WWTR1: variants seen among roughly 807,000 people sequenced by gnomAD.
WWTR1 encodes the protein WW domain containing transcription regulator 1.
A neutral mutation model predicts 40.1 loss-of-function variants in WWTR1; 13 were observed. The observed-to-expected ratio is 0.32, with a 90% CI of 0.21 to 0.52. The LOEUF is 0.52. WWTR1 is among the 20% of genes least tolerant of loss of function. The pLI, the probability that WWTR1 is intolerant of heterozygous loss-of-function variation, is 0.97. For missense variants in WWTR1, 436 were observed against 523.1 expected, an observed-to-expected ratio of 0.83 and a Z score of 1.63; for synonymous variants, 230 against 210.1, an observed-to-expected ratio of 1.09 and a Z score of -0.82.
At chr3:149,703,488 G>A (rs935287924), upstream of WWTR1, among the ~76,000 whole-genome samples, 2 of 152,106 alleles carry the variant, frequency 1.3e-5, no homozygotes, top group African/African-American at 4.8e-5. Flanking sequence ...CTTTATCTTA[G>A]ATTTCTTAGA....
At chr3:149,626,102 C>T (rs1023491375) in intron 2 of WWTR1, among the ~76,000 whole-genome samples, 5 of 152,106 alleles carry the variant, frequency 3.3e-5, no homozygotes, top group African/African-American at 1.2e-4. Flanking sequence ...TTCCTGCAGG[C>T]GCCAGGAAAC....
upstream of WWTR1, chr3:149,658,238 C>T (rs1025855832): frequency 6.6e-6 from 1 of 152,436 alleles, no homozygotes; most frequent in African/African-American, 2.4e-5. Context: ...GTGCCCCCCA[C>T]CCACTCCTCC....
At chr3:149,686,261 C>T (rs79197524) in intron 1 of WWTR1, among the ~76,000 whole-genome samples, 3,230 of 152,270 alleles carry the variant, frequency 0.021, 64 homozygotes, top group South Asian at 0.092. Context: ...TAGATCCATT[C>T]ATGGTCACAA....
At chr3:149,618,310 G>A (rs1048146640) in intron 2 of WWTR1, among the ~76,000 whole-genome samples, 5 of 152,176 alleles carry the variant, frequency 3.3e-5, no homozygotes, top group Admixed American at 6.5e-5. Context: ...AGATACATCC[G>A]GGCATGCTGG....
At chr3:149,667,759 T>C (rs1713895056) in intron 2 of WWTR1, among the ~76,000 whole-genome samples, 1 of 152,182 alleles carries the variant, frequency 6.6e-6, no homozygotes, top group Non-Finnish European at 1.5e-5. Flanking sequence ...CTGCACGTTG[T>C]AGTTCTACTG....
intron 3 of WWTR1, among the ~76,000 whole-genome samples, chr3:149,560,956 A>C (rs1560060781): frequency 2.0e-5 from 3 of 148,288 alleles, no homozygotes; most frequent in Middle Eastern, 3.5e-3. Context: ...AGAAAGTAAC[A>C]CCCCCCCCCG....
intron 4 of WWTR1, among the ~76,000 whole-genome samples, chr3:149,723,127 T>C (rs1174368739): frequency 6.6e-6 from 1 of 151,918 alleles, no homozygotes; most frequent in South Asian, 2.1e-4. Context: ...AATCTAATAA[T>C]GTGGTAACTC....
intron 2 of WWTR1, among the ~76,000 whole-genome samples, chr3:149,582,662 C>T (rs955958909): frequency 4.6e-5 from 7 of 151,806 alleles, no homozygotes; most frequent in African/African-American, 7.3e-5. Flanking sequence ...CCTGGGAGGT[C>T]GAGGCTGCAG....
At chr3:149,524,640 A>T (rs146857659) in intron 6 of WWTR1, among the ~76,000 whole-genome samples, 1 of 152,308 alleles carries the variant, frequency 6.6e-6, no homozygotes, top group Non-Finnish European at 1.5e-5. Context: ...TAGTCTTTGC[A>T]ATCTTCTCAA....
chr3:149,665,130 T>C (rs138816717), intron 2 of WWTR1, among the ~76,000 whole-genome samples: 300 of 152,128 alleles, frequency 2.0e-3, no homozygotes, highest in African/African-American at 7.1e-3. Context: ...CTCAACAATA[T>C]ACAGTATGGT....
intron 2 of WWTR1, among the ~76,000 whole-genome samples, chr3:149,653,983 C>T (rs59494509): frequency 0.046 from 6,987 of 152,150 alleles, 407 homozygotes; most frequent in East Asian, 0.17. Context: ...AAAGATTCTT[C>T]TTCTGGCTGG....
intron 1 of WWTR1, among the ~76,000 whole-genome samples, chr3:149,694,121 C>T (rs1329310057): frequency 1.3e-5 from 2 of 152,260 alleles, no homozygotes; most frequent in Admixed American, 6.5e-5. Flanking sequence ...AGGCTGGGCG[C>T]GGTGGCTCAC....
upstream of WWTR1, among the ~76,000 whole-genome samples, chr3:149,662,941 C>T (rs1450068627): frequency 1.3e-5 from 2 of 152,180 alleles, no homozygotes; most frequent in Admixed American, 6.5e-5. Context: ...CATTGCCAGG[C>T]GTTCAGTAAT....
intron 3 of WWTR1, among the ~76,000 whole-genome samples, chr3:149,557,599 C>A (rs773795257): frequency 3.9e-5 from 6 of 152,178 alleles, no homozygotes; most frequent in Non-Finnish European, 7.3e-5. Flanking sequence ...TCTGTAGGTA[C>A]CTCTAGCAAC....
At chr3:149,639,946 A>G (rs908632086) in intron 2 of WWTR1, among the ~76,000 whole-genome samples, 2 of 135,892 alleles carry the variant, frequency 1.5e-5, no homozygotes, top group Non-Finnish European at 3.1e-5. Context: ...GTGAGCCGAG[A>G]TTGTGCCACT....
intron 1 of WWTR1, among the ~76,000 whole-genome samples, chr3:149,670,181 G>A (rs983355063): frequency 6.6e-6 from 1 of 152,228 alleles, no homozygotes; most frequent in African/African-American, 2.4e-5. Flanking sequence ...GGCTGGTGAA[G>A]ATGTCAGCTC....
chr3:149,621,002 A>G (rs762717660), intron 2 of WWTR1, among the ~76,000 whole-genome samples: 3 of 152,232 alleles, frequency 2.0e-5, no homozygotes, highest in Non-Finnish European at 2.9e-5. Context: ...GATAGGAACA[A>G]TTCTGTATTG....
chr3:149,545,978 T>C (rs1736346709), intron 3 of WWTR1, among the ~76,000 whole-genome samples: 2 of 152,236 alleles, frequency 1.3e-5, no homozygotes, highest in South Asian at 2.1e-4. Flanking sequence ...TCTCAAGCAG[T>C]GTACTGTATT....
intron 4 of WWTR1, among the ~76,000 whole-genome samples, chr3:149,530,462 C>T (rs1735521317): frequency 6.6e-6 from 1 of 151,530 alleles, no homozygotes; most frequent in South Asian, 2.1e-4. Flanking sequence ...CTATATATAA[C>T]ACACATGAAT....
Sources: allele counts gnomAD v4.1 joint callset (sites outside exome capture counted in the v4.1 genomes callset), GRCh38; gene constraint gnomAD v4.1.1; transcripts MANE v1.5; gene names NCBI Gene and HGNC (gene_info 2026-07-23, HGNC 2026-07-21).